Variants in CEACAM19 observed in about 807,000 individuals in gnomAD.
CEACAM19 encodes the protein cell adhesion molecule CEACAM19.
A neutral mutation model predicts 37.6 loss-of-function variants in CEACAM19; 37 were observed. The ratio of observed to expected loss-of-function variants is 0.98; its 90% CI spans 0.76 to 1.29. The LOEUF (loss-of-function observed/expected upper bound fraction) is 1.29, where lower values mean the gene tolerates loss of function less well. CEACAM19 is among the 50% of genes most tolerant of loss of function. The probability of loss-of-function intolerance (pLI) is 0.00; values close to 1 mark genes in which losing one functional copy is unlikely to be tolerated. For missense variants in CEACAM19, 340 were observed against 375.6 expected (o/e 0.91, Z 0.78); for synonymous variants, 140 against 149.8 (o/e 0.93, Z 0.48).
upstream of CEACAM19, among the ~76,000 whole-genome samples, chr19:44,670,309 C>T (rs185010816): frequency 6.8e-5 from 10 of 148,112 alleles, no homozygotes; most frequent in Admixed American, 4.7e-4. Context: ...GGCAACAGAG[C>T]GAGACCCTGT....
intron 6 of CEACAM19, 99 bp from the exon 7 acceptor site, chr19:44,682,468 G>A: frequency 8.1e-7 from 1 of 1,232,570 alleles, no homozygotes; most frequent in African/African-American, 1.5e-5. Context: ...TGGGAGGGGT[G>A]ATGGGGACTT....
At chr19:44,679,787 G>A (rs950717268) in intron 4 of CEACAM19, among the ~76,000 whole-genome samples, 4 of 148,648 alleles carry the variant, frequency 2.7e-5, no homozygotes, top group Non-Finnish European at 4.5e-5. Context: ...AAAATAAGCC[G>A]AGCATGGTGG....
chr19:44,668,939 C>T (rs1382846542), upstream of CEACAM19, among the ~76,000 whole-genome samples: 1 of 147,760 alleles, frequency 6.8e-6, no homozygotes. Context: ...CCTGCCTCAG[C>T]CTCCCGAGTA....
In CEACAM19 at chr19:44,680,286, A is replaced by C. The variant is rs770732549; in HGVS notation, c.660-2A>C. ...ATATCAATTCCCTCTATGTGTCCCC[A>C]GGATGGCGACCACAGAGAAGCCAGA... is the stretch of plus-strand genomic sequence containing the variant. On this transcript the variant is annotated splice_acceptor_variant, in intron 4 of 7. Transcript: ENST00000358777. LOFTEE classifies it high-confidence loss of function. The C allele has an allele frequency of 2.5e-6, 4 of 1,596,250 alleles. No homozygotes were observed. The highest frequency in any genetic ancestry group is 2.6e-6 in the Non-Finnish European group (3 of 1,174,086).
chr19:44,667,706 TATAA>T (rs1239846745), upstream of CEACAM19, among the ~76,000 whole-genome samples: 2 of 79,028 alleles, frequency 2.5e-5, no homozygotes, highest in African/African-American at 5.6e-5. Flanking sequence ...ATATATATTA[TATAA>T]ATATATATAA....
chr19:44,668,403 GTTTATATATTATATATATAATATA>G (rs1973783819), upstream of CEACAM19, among the ~76,000 whole-genome samples: 2 of 5,714 alleles, frequency 3.5e-4, no homozygotes, highest in South Asian at 5.9e-3. Flanking sequence ...TATATAATAT[GTTTATATATTATATATATAATATA>G]TTTATATATT....
chr19:44,675,097 C>CGTGTGTGTGTGTGTGTGT (rs59147604), intron 2 of CEACAM19, among the ~76,000 whole-genome samples: 3 of 143,798 alleles, frequency 2.1e-5, no homozygotes, highest in African/African-American at 7.8e-5. Context: ...CAGAGAACAG[C>CGTGTGTGTGTGTGTGTGT]GTGTGTGTGT....
rs779894220 is a variant in CEACAM19 at position 44,672,600 on chromosome 19, A to C, written c.60A>C (p.Ser20=). The C allele has an allele frequency of 1.4e-6, 2 of 1,464,242 alleles. No individual in the cohort carries two copies. The highest frequency in any genetic ancestry group is 1.8e-6 in the Non-Finnish European group (2 of 1,106,758). The allele number at this position is 1,464,242 out of a possible 1,614,324, so 90.7% of individuals were successfully genotyped here. The change falls in exon 2 of 8, where the codon TCA becomes TCC. Residue 20 remains serine (S), a synonymous_variant. Transcript: ENST00000358777. ...CTTCCCTGTAACTTCCCACAGCCTC[A>C]ATCCTGGTCCTCTGGATGCTCCAAG... ...CFSKSLLLSA[S]ILVLWMLQGS...
intron 7 of CEACAM19, chr19:44,683,113 T>G (rs1279260380): frequency 3.3e-6 from 1 of 303,542 alleles, no homozygotes; most frequent in African/African-American, 2.2e-5. Flanking sequence ...CTTTTTAATC[T>G]GTCTTTCTGT....
upstream of CEACAM19, chr19:44,667,198 G>C (rs1020048747): frequency 2.0e-5 from 3 of 151,594 alleles, no homozygotes; most frequent in African/African-American, 4.9e-5. Context: ...AGCTGAAGAC[G>C]TGTGTCCGGA....
Position 44,671,895 on chromosome 19 carries a change from A to C in CEACAM19, c.-37A>C. On this transcript the variant is annotated 5_prime_UTR_variant, in exon 1 of 8. Transcript: ENST00000358777. The stretch of plus-strand genomic sequence containing the variant: ...CACCCCTCTGGCCCCCTTAGTGTCC[A>C]GCTCGTGGCCCCTTGGCATTTCCAC... 2 of 1,580,766 alleles carry C rather than the reference A, an allele frequency of 1.3e-6. No homozygotes were observed. Among genetic ancestry groups the C allele is most frequent in the Non-Finnish European group, 1.7e-6 (2 of 1,160,472 alleles).
At chr19:44,667,943 A>T (rs1224790099), upstream of CEACAM19, among the ~76,000 whole-genome samples, 25 of 76,486 alleles carry the variant, frequency 3.3e-4, no homozygotes, top group South Asian at 8.2e-3. Context: ...TAAAATATAT[A>T]TAAATTATAT....
At chr19:44,677,466 GGAGA>G (rs142835231) in intron 3 of CEACAM19, 11 of 151,994 alleles carry the variant, frequency 7.2e-5, no homozygotes, top group African/African-American at 2.7e-4. Context: ...AGGAGAGAGA[GGAGA>G]GAGAGACAGT....
chr19:44,672,954 C>A lies in CEACAM19; in HGVS notation c.414C>A (p.Val138=). 2 of 1,490,342 alleles carry A rather than the reference C, an allele frequency of 1.3e-6. No homozygotes were observed. The highest frequency in any genetic ancestry group is 2.8e-5 in the South Asian group (2 of 71,474). 92.3% of individuals were successfully genotyped at this position (1,490,342 alleles called of 1,614,324 possible). A position where few individuals can be genotyped will look rare whatever the true frequency, so the allele number is the denominator to read the frequency against. Residue 138 remains valine, a synonymous_variant, in exon 2 of 8, where the codon GTC becomes GTA. Coordinates refer to ENST00000358777, the MANE Select transcript of CEACAM19 (RefSeq NM_001127893.3). ...SEWTMKAKTE[V]QVAEKNKELP... The stretch of plus-strand genomic sequence containing the variant: ...GGACTATGAAGGCCAAGACTGAGGT[C>A]CAGGTAGCTGGTAAGTGTTAGGGTC...
Position 44,673,035 on chromosome 19 carries a change from T to C in CEACAM19, c.424+71T>C, listed in dbSNP as rs531780919. 21 of 1,280,520 alleles carry C rather than the reference T, an allele frequency of 1.6e-5. 1 individual carries two copies. In the East Asian group the frequency reaches 5.5e-4, roughly 33 times the overall value. The allele number at this position is 1,280,520 out of a possible 1,614,324, so 79.3% of individuals were successfully genotyped here. A position where few individuals can be genotyped will look rare whatever the true frequency, so the allele number is the denominator to read the frequency against. ...TGAGCAGCTACCATGCACCAGGTGC[T>C]GTGCAAACACCATTTCATTTGGTCC... On this transcript the variant is annotated intron_variant, in intron 2 of 7. Coordinates refer to ENST00000358777, the MANE Select transcript of CEACAM19 (RefSeq NM_001127893.3).
Position 44,672,843 on chromosome 19 carries a change from C to T in CEACAM19, c.303C>T (p.Gly101=), listed in dbSNP as rs201098299. ...GSAMGQRDIV[G]FPNGSMLLRR... is the part of the protein sequence containing the mutation. Reference sequence around the variant, plus strand: ...CCATGGGACAGCGAGACATCGTGGGCTTCCCCAATGGTTCCATGCTGCTGC... The same window carrying T: ...CCATGGGACAGCGAGACATCGTGGGTTTCCCCAATGGTTCCATGCTGCTGC... Residue 101 remains glycine (G), a synonymous_variant, in exon 2 of 8, where the codon GGC becomes GGT. Transcript: ENST00000358777. 5.6e-6 allele frequency: 9 copies of T among 1,601,732 alleles called. No homozygotes were observed. Among genetic ancestry groups the T allele is most frequent in the Non-Finnish European group, 7.7e-6 (9 of 1,173,178 alleles).
Position 44,681,281 on chromosome 19 carries a change from T to A in CEACAM19, c.761T>A (p.Ile254Asn). ...MPSPVLLVSP[I>N]SDTRSINPAR... ...TCTCCAGTCCTCCTGGTGTCCCCCA[T>A]CAGTGACACAAGGTCCATAAACCCA... Residue 254 changes from isoleucine to asparagine, a missense_variant, in exon 6 of 8, where the codon ATC (isoleucine) becomes AAC (asparagine). Coordinates refer to ENST00000358777, the MANE Select transcript of CEACAM19 (RefSeq NM_001127893.3). The A allele has an allele frequency of 6.2e-7, 1 of 1,613,960 alleles. No homozygotes were observed. The highest frequency in any genetic ancestry group is 8.5e-7 in the Non-Finnish European group (1 of 1,179,952).
intron 3 of CEACAM19, chr19:44,677,860 G>T (rs369251983): frequency 6.6e-6 from 1 of 152,146 alleles, no homozygotes; most frequent in African/African-American, 2.4e-5. Flanking sequence ...TATTTTAGTA[G>T]AGATGGGGTT....
chr19:44,680,486 A>T (rs1338364736), intron 5 of CEACAM19, 152 bp downstream of exon 5: 11 of 649,294 alleles, frequency 1.7e-5, no homozygotes, highest in Non-Finnish European at 2.2e-5. Flanking sequence ...ACTCACCCAC[A>T]TAATCTGAGC....
Sources: allele counts gnomAD v4.1 joint callset (sites outside exome capture counted in the v4.1 genomes callset), GRCh38; gene constraint gnomAD v4.1.1; transcripts MANE v1.5; gene names NCBI Gene and HGNC (gene_info 2026-07-23, HGNC 2026-07-21).